HDAC9: variants seen among roughly 807,000 people sequenced by gnomAD.
HDAC9 encodes MEF-2 interacting transcription repressor (MITR) protein.
HDAC9 carries 41 observed loss-of-function variants against 139.4 expected under a neutral mutation model. That is an observed-to-expected ratio of 0.29 (90% CI 0.23 to 0.38). The LOEUF (loss-of-function observed/expected upper bound fraction) is 0.38, where lower values mean the gene tolerates loss of function less well. Among genes scored for constraint, HDAC9 ranks in the 10% least tolerant of loss-of-function variants. HDAC9 has a pLI of 1.00. For synonymous variants in HDAC9, 517 were observed against 476.2 expected (o/e 1.09, Z -1.12); for missense variants, 1,147 against 1,297.0 (o/e 0.88, Z 1.78).
At chr7:18,269,428 T>A (rs1382057262) in intron 2 of HDAC9, among the ~76,000 whole-genome samples, 1 of 152,144 alleles carries the variant, frequency 6.6e-6, no homozygotes, top group African/African-American at 2.4e-5. Context: ...AATCCTAAAG[T>A]CTAAAGGTTT....
chr7:18,653,256 A>C (rs1378993403), intron 11 of HDAC9, among the ~76,000 whole-genome samples: 4 of 151,766 alleles, frequency 2.6e-5, no homozygotes, highest in African/African-American at 9.7e-5. Context: ...AAAAAAAAAA[A>C]ACCAGTAATA....
chr7:18,421,391 G>T (rs2128752245), intron 1 of HDAC9, among the ~76,000 whole-genome samples: 1 of 149,836 alleles, frequency 6.7e-6, no homozygotes, highest in African/African-American at 2.5e-5. Flanking sequence ...GAAGGAGAAA[G>T]GGAGGGAGGG....
intron 2 of HDAC9, among the ~76,000 whole-genome samples, chr7:18,253,719 A>G (rs576127115): frequency 3.3e-5 from 5 of 152,336 alleles, no homozygotes; most frequent in African/African-American, 1.2e-4. Flanking sequence ...GCTCTGCCCA[A>G]TCTTTTAGGA....
At chr7:18,438,856 T>C (rs1791478755) in intron 1 of HDAC9, among the ~76,000 whole-genome samples, 1 of 152,196 alleles carries the variant, frequency 6.6e-6, no homozygotes, top group African/African-American at 2.4e-5. Flanking sequence ...GACTAAACTT[T>C]TAATAATATT....
intron 16 of HDAC9, among the ~76,000 whole-genome samples, chr7:18,770,130 T>C (rs1790164607): frequency 6.6e-6 from 1 of 152,164 alleles, no homozygotes; most frequent in African/African-American, 2.4e-5. Flanking sequence ...TAATTTACTG[T>C]TGGTCAAGCA....
rs189531488 is a variant in HDAC9 at position 18,301,355 on chromosome 7, A to T, written c.-42+10840A>T. ...ATGGTAGTTGAAGTTGCATTTTATG[A>T]TAGAGCAGGACATTGTTGTCGTGTT... is the stretch of plus-strand genomic sequence containing the variant. On this transcript the variant is annotated intron_variant, in intron 1 of 3. Coordinates refer to the HDAC9 transcript ENST00000413509. Among the ~76,000 whole-genome samples, 708 of 152,266 alleles carry T rather than the reference A, an allele frequency of 4.6e-3. 1 individual carries two copies. The highest frequency in any genetic ancestry group is 7.7e-3 in the Non-Finnish European group (523 of 67,984).
At chr7:18,175,878 C>T (rs1261635256) in intron 2 of HDAC9, among the ~76,000 whole-genome samples, 3 of 145,902 alleles carry the variant, frequency 2.1e-5, no homozygotes, top group Non-Finnish European at 4.5e-5. Flanking sequence ...TTAACCTTTT[C>T]TCCCAGGCTC....
intron 2 of HDAC9, among the ~76,000 whole-genome samples, chr7:18,541,166 T>TTTTTTGTTTTTTTTTTTTTTTTTC (rs397760512): frequency 6.8e-6 from 1 of 147,372 alleles, no homozygotes; most frequent in African/African-American, 2.6e-5. Context: ...TTTTTTTTTT[T>TTTTTTGTTTTTTTTTTTTTTTTTC]CTGATTGAAA....
chr7:18,668,916 C>T (rs1795482862), intron 12 of HDAC9: 1 of 979,496 alleles, frequency 1.0e-6, no homozygotes, highest in Non-Finnish European at 1.2e-6. Flanking sequence ...CACTAGATCT[C>T]ATATATCAAA....
At chr7:18,570,281 C>G (rs1002822267) in intron 2 of HDAC9, among the ~76,000 whole-genome samples, 2 of 152,042 alleles carry the variant, frequency 1.3e-5, no homozygotes, top group Admixed American at 6.6e-5. Context: ...TTCTTAAGTA[C>G]AGAATTGTTC....
At position 18,644,652 on chromosome 7, in the gene HDAC9, TCTC is replaced by T. The variant is rs745397246; in HGVS notation, c.913-15_913-13del. ...TTGTGATACTGTGGTATTTTGAGACTCTCCTCTTTTTTTAACAGCAAATGGTTT... is the reference window on the plus strand; with the variant it reads ...TTGTGATACTGTGGTATTTTGAGACTCTCTTTTTTTAACAGCAAATGGTTT... On this transcript the variant is annotated splice_polypyrimidine_tract_variant and intron_variant, in intron 8 of 25. Transcript: ENST00000686413. 1.2e-6 allele frequency: 2 copies of T among 1,600,020 alleles called. No individual in the cohort carries two copies. Among genetic ancestry groups the T allele is most frequent in the Non-Finnish European group, 8.5e-7 (1 of 1,172,936 alleles).
intron 24 of HDAC9, among the ~76,000 whole-genome samples, chr7:18,967,961 G>A (rs936190943): frequency 6.6e-6 from 1 of 152,038 alleles, no homozygotes; most frequent in African/African-American, 2.4e-5. Flanking sequence ...TTGGGAGTGT[G>A]AGACCAGCCT....
At chr7:18,479,493 A>G (rs1795376217) in intron 1 of HDAC9, among the ~76,000 whole-genome samples, 1 of 152,100 alleles carries the variant, frequency 6.6e-6, no homozygotes, top group Non-Finnish European at 1.5e-5. Context: ...TCTCTTACCT[A>G]GTTGTCTATA....
chr7:18,618,528 A>G (rs150258116), intron 6 of HDAC9, among the ~76,000 whole-genome samples: 184 of 151,970 alleles, frequency 1.2e-3, no homozygotes, highest in African/African-American at 4.3e-3. Flanking sequence ...GTGTGTCCCT[A>G]TCAAGCACTG....
At chr7:18,790,040 C>G (rs540598221) in intron 16 of HDAC9, among the ~76,000 whole-genome samples, 1 of 152,236 alleles carries the variant, frequency 6.6e-6, no homozygotes, top group East Asian at 1.9e-4. Context: ...TCTAGTGACA[C>G]AGATTATAGC....
At chr7:18,101,505 T>TC (rs1469794291) in intron 1 of HDAC9, among the ~76,000 whole-genome samples, 1 of 152,208 alleles carries the variant, frequency 6.6e-6, no homozygotes, top group African/African-American at 2.4e-5. Flanking sequence ...TGGAAGTGGT[T>TC]CCCCCATTCC....
intron 17 of HDAC9, among the ~76,000 whole-genome samples, chr7:18,803,727 C>T (rs1793486307): frequency 6.6e-6 from 1 of 151,770 alleles, no homozygotes; most frequent in Non-Finnish European, 1.5e-5. Flanking sequence ...ATTTGTTATA[C>T]TGTGTCTTGC....
At chr7:18,963,586 T>C (rs1783665374) in intron 24 of HDAC9, among the ~76,000 whole-genome samples, 1 of 152,170 alleles carries the variant, frequency 6.6e-6, no homozygotes, top group Non-Finnish European at 1.5e-5. Flanking sequence ...TTTCAAATAA[T>C]GATAATAGAT....
chr7:18,338,163 G>C (rs1413170569), intron 1 of HDAC9, among the ~76,000 whole-genome samples: 3 of 151,672 alleles, frequency 2.0e-5, no homozygotes, highest in Admixed American at 6.6e-5. Flanking sequence ...AGTAGAAATA[G>C]AATGTGCACA....
Sources: allele counts gnomAD v4.1 joint callset (sites outside exome capture counted in the v4.1 genomes callset), GRCh38; gene constraint gnomAD v4.1.1; transcripts MANE v1.5; gene names NCBI Gene and HGNC (gene_info 2026-07-23, HGNC 2026-07-21).